The following MACROH2A2 variants were observed in gnomAD, a reference collection of about 807,000 sequenced individuals.
MACROH2A2 encodes core histone macro-H2A.2.
MACROH2A2 carries 6 observed loss-of-function variants against 37.6 expected under a neutral mutation model. The observed-to-expected ratio is 0.16, with a 90% confidence interval of 0.09 to 0.32. The LOEUF (loss-of-function observed/expected upper bound fraction) is 0.32. MACROH2A2 is among the 10% of genes least tolerant of loss of function. MACROH2A2 has a pLI of 1.00. For synonymous variants in MACROH2A2, 192 were observed against 202.7 expected (o/e 0.95, Z 0.45); for missense variants, 290 against 485.9 (o/e 0.60, Z 3.79).
intron 2 of MACROH2A2, among the ~76,000 whole-genome samples, chr10:70,079,563 GCGCACACA>G (rs1180329462): frequency 9.8e-4 from 62 of 63,212 alleles, no homozygotes; most frequent in African/African-American, 3.5e-3. Flanking sequence ...GCGCGCGCGC[GCGCACACA>G]CACACACACA....
At chr10:70,082,143 G>C (rs1390320752) in intron 2 of MACROH2A2, among the ~76,000 whole-genome samples, 1 of 152,184 alleles carries the variant, frequency 6.6e-6, no homozygotes, top group Non-Finnish European at 1.5e-5. Context: ...GACTCGGCCG[G>C]GCGCAGTGGC....
intron 1 of MACROH2A2, among the ~76,000 whole-genome samples, chr10:70,057,464 C>T (rs966052486): frequency 6.6e-6 from 1 of 152,286 alleles, no homozygotes; most frequent in Middle Eastern, 3.4e-3. Flanking sequence ...ACTATGAATT[C>T]AGGCAGATGG....
At chr10:70,056,187 A>G (rs542784969) in intron 1 of MACROH2A2, among the ~76,000 whole-genome samples, 3 of 152,358 alleles carry the variant, frequency 2.0e-5, no homozygotes, top group South Asian at 4.1e-4. Flanking sequence ...TAGCCATATC[A>G]TTATTGATAC....
intron 6 of MACROH2A2, chr10:70,098,636 T>C (rs1053392884): frequency 2.6e-5 from 4 of 152,236 alleles, no homozygotes; most frequent in African/African-American, 9.6e-5. Flanking sequence ...AACATGTTTC[T>C]TTGCTTTTTT....
At chr10:70,061,531 CA>C (rs989714343) in intron 1 of MACROH2A2, among the ~76,000 whole-genome samples, 3 of 152,264 alleles carry the variant, frequency 2.0e-5, no homozygotes, top group Non-Finnish European at 4.4e-5. Context: ...ACAGAGACAA[CA>C]AAACATGTTA....
At chr10:70,108,876 T>G (rs2072353147) in intron 7 of MACROH2A2, among the ~76,000 whole-genome samples, 157 bp from the exon 8 acceptor site, 1 of 152,202 alleles carries the variant, frequency 6.6e-6, no homozygotes, top group Non-Finnish European at 1.5e-5. Flanking sequence ...GCTCTTGCTC[T>G]CGTTAAACAT....
At chr10:70,101,166 G>A (rs765957519) in intron 7 of MACROH2A2, among the ~76,000 whole-genome samples, 4 of 152,170 alleles carry the variant, frequency 2.6e-5, no homozygotes, top group South Asian at 2.1e-4. Flanking sequence ...TGAAGGCCCC[G>A]AGCTCTGGAA....
At chr10:70,095,632 C>T (rs777592852) in intron 5 of MACROH2A2, 22 bp from the exon 6 acceptor site, 1 of 1,101,606 alleles carries the variant, frequency 9.1e-7, no homozygotes, top group South Asian at 1.3e-5. Flanking sequence ...TCCACATTCA[C>T]CACCTTTTCT....
intron 2 of MACROH2A2, among the ~76,000 whole-genome samples, chr10:70,084,445 G>A (rs1457803312): frequency 2.0e-5 from 3 of 152,148 alleles, no homozygotes; most frequent in Admixed American, 1.3e-4. Context: ...CCAGCTACTC[G>A]AGAGGCTCAG....
At chr10:70,106,100 T>G (rs1363292168) in intron 7 of MACROH2A2, among the ~76,000 whole-genome samples, 3 of 152,158 alleles carry the variant, frequency 2.0e-5, no homozygotes, top group African/African-American at 7.2e-5. Context: ...TAGCAGCCTC[T>G]CAGCAGGACA....
At chr10:70,082,631 C>G (rs2072186543) in intron 2 of MACROH2A2, among the ~76,000 whole-genome samples, 1 of 152,148 alleles carries the variant, frequency 6.6e-6, no homozygotes, top group Admixed American at 6.5e-5. Context: ...GAATAAAATT[C>G]TGGTACATGC....
chr10:70,108,835 T>G (rs978986227), intron 7 of MACROH2A2, among the ~76,000 whole-genome samples, 198 bp from the exon 8 acceptor site: 14 of 150,354 alleles, frequency 9.3e-5, no homozygotes, highest in African/African-American at 3.4e-4. Context: ...TACCCAAAGC[T>G]TGTGCTAACT....
chr10:70,101,403 G>A (rs2072306057), intron 7 of MACROH2A2, among the ~76,000 whole-genome samples: 1 of 152,154 alleles, frequency 6.6e-6, no homozygotes, highest in African/African-American at 2.4e-5. Flanking sequence ...CACATTCAGA[G>A]CCACGAGCCC....
Position 70,091,775 on chromosome 10 carries a change from A to G in MACROH2A2, c.298A>G (p.Ile100Val). 1.2e-6 allele frequency: 2 copies of G among 1,613,874 alleles called. No individual in the cohort carries two copies. The highest frequency in any genetic ancestry group is 1.7e-6 in the Non-Finnish European group (2 of 1,179,882). The change falls in exon 4 of 9, where the codon ATC (isoleucine) becomes GTC (valine). Residue 100 changes from isoleucine (I) to valine (V), a missense_variant. This residue lies in a region of MACROH2A2 where 83 missense variants were observed against 159.9 expected (regional missense o/e 0.52). Coordinates refer to ENST00000373255, the MANE Select transcript of MACROH2A2 (RefSeq NM_018649.3). ...ELNQLLKGVT[I>V]ASGGVLPRIH... ...TCTTCAGCTGCTAAAAGGAGTGACC[A>G]TCGCCAGTGGAGGCGTCCTGCCCAG...
intron 7 of MACROH2A2, among the ~76,000 whole-genome samples, chr10:70,102,586 G>A (rs1293075471): frequency 6.6e-6 from 1 of 151,970 alleles, no homozygotes; most frequent in African/African-American, 2.4e-5. Context: ...GCATGGTGGC[G>A]CATGCCTGTA....
intron 2 of MACROH2A2, among the ~76,000 whole-genome samples, chr10:70,079,432 T>C (rs2072160193): frequency 6.6e-6 from 1 of 151,018 alleles, no homozygotes; most frequent in Non-Finnish European, 1.5e-5. Flanking sequence ...TTTAAAAGAG[T>C]GTGTGGCCCT....
At chr10:70,062,142 A>AT (rs34913106) in intron 1 of MACROH2A2, among the ~76,000 whole-genome samples, 1 of 152,256 alleles carries the variant, frequency 6.6e-6, no homozygotes, top group African/African-American at 2.4e-5. Flanking sequence ...GGAAGCTAAG[A>AT]TTTTTTTCAT....
At chr10:70,069,848 C>T (rs558876048) in intron 1 of MACROH2A2, among the ~76,000 whole-genome samples, 17 of 151,624 alleles carry the variant, frequency 1.1e-4, no homozygotes, top group African/African-American at 9.7e-5. Flanking sequence ...CTTCCCAAGA[C>T]GGAATAGAGT....
intron 7 of MACROH2A2, among the ~76,000 whole-genome samples, chr10:70,100,567 G>T (rs1479289195): frequency 6.6e-6 from 1 of 151,658 alleles, no homozygotes. Flanking sequence ...TTGCATGTGT[G>T]TGATAAAATA....
Sources: allele counts gnomAD v4.1 joint callset (sites outside exome capture counted in the v4.1 genomes callset), GRCh38; gene constraint gnomAD v4.1.1; regional missense constraint gnomAD v4.1.1; transcripts MANE v1.5; gene names NCBI Gene and HGNC (gene_info 2026-07-23, HGNC 2026-07-21).